The following RGS6 variants were observed in gnomAD, a reference collection of about 807,000 sequenced individuals.
RGS6 encodes the protein regulator of G protein signaling 6, also known as regulator of G-protein signaling 6.
A neutral mutation model predicts 78.5 loss-of-function variants in RGS6; 30 were observed. That is an observed-to-expected ratio of 0.38 (90% CI 0.29 to 0.52). The LOEUF is 0.52. RGS6 is among the 20% of genes least tolerant of loss of function. The probability of loss-of-function intolerance (pLI) is 0.85; values close to 1 mark genes in which losing one functional copy is unlikely to be tolerated. For missense variants in RGS6, 495 were observed against 609.7 expected, an observed-to-expected ratio of 0.81 and a Z score of 1.98; for synonymous variants, 206 against 206.0, an observed-to-expected ratio of 1.00 and a Z score of 0.00.
At chr14:72,033,742 ACTGT>A (rs1206875410) in intron 2 of RGS6, among the ~76,000 whole-genome samples, 5 of 152,320 alleles carry the variant, frequency 3.3e-5, no homozygotes, top group Non-Finnish European at 5.9e-5. Flanking sequence ...TATGTTGAGG[ACTGT>A]CTGTATATCT....
chr14:72,121,534 ACTGTGCTGTG>A (rs2153570778), intron 2 of RGS6, among the ~76,000 whole-genome samples: 1 of 152,268 alleles, frequency 6.6e-6, no homozygotes, highest in Admixed American at 6.5e-5. Context: ...GTGATCACAC[ACTGTGCTGTG>A]CTCTTTGGTA....
chr14:72,617,940 A>G, the RGS6 span, among the ~76,000 whole-genome samples: 1 of 151,926 alleles, frequency 6.6e-6, no homozygotes, highest in Admixed American at 6.6e-5. Flanking sequence ...GAAATATGTC[A>G]GTTATTGTGC....
intron 12 of RGS6, among the ~76,000 whole-genome samples, chr14:72,480,149 ATCT>A (rs1435681505): frequency 1.3e-5 from 2 of 152,164 alleles, no homozygotes; most frequent in Non-Finnish European, 2.9e-5. Context: ...ATTCTGGATA[ATCT>A]TCAAGTGGAC....
the RGS6 span, among the ~76,000 whole-genome samples, chr14:71,872,874 G>A: frequency 6.6e-6 from 1 of 152,140 alleles, no homozygotes; most frequent in Non-Finnish European, 1.5e-5. Flanking sequence ...TCCCACCTAT[G>A]AGTGAGAACA....
At chr14:72,286,938 C>G (rs550152497) in intron 2 of RGS6, among the ~76,000 whole-genome samples, 53 of 152,248 alleles carry the variant, frequency 3.5e-4, no homozygotes, top group Non-Finnish European at 6.3e-4. Context: ...CATGTGCCAC[C>G]ACACTTGCCT....
At chr14:72,290,140 G>T (rs1332859795) in intron 2 of RGS6, among the ~76,000 whole-genome samples, 1 of 152,140 alleles carries the variant, frequency 6.6e-6, no homozygotes, top group African/African-American at 2.4e-5. Flanking sequence ...ATAAAATAAA[G>T]AAATCGAGAT....
intron 2 of RGS6, among the ~76,000 whole-genome samples, chr14:72,046,806 G>A (rs1408651076): frequency 1.3e-5 from 2 of 152,214 alleles, no homozygotes; most frequent in African/African-American, 2.4e-5. Context: ...CAAATGTCAT[G>A]TAGGATATGG....
chr14:72,606,300 G>T, the RGS6 span, among the ~76,000 whole-genome samples: 27 of 152,004 alleles, frequency 1.8e-4, 1 homozygote, highest in Admixed American at 1.2e-3. Context: ...CCCCAAACCC[G>T]CTAAGTCTAG....
At chr14:72,412,631 G>C (rs1212122844) in intron 3 of RGS6, among the ~76,000 whole-genome samples, 1 of 151,980 alleles carries the variant, frequency 6.6e-6, no homozygotes, top group Non-Finnish European at 1.5e-5. Context: ...GTTTGCTCTT[G>C]CTTCTCTAGT....
chr14:72,262,274 T>G (rs1189778690), intron 2 of RGS6, among the ~76,000 whole-genome samples: 1 of 152,222 alleles, frequency 6.6e-6, no homozygotes, highest in Non-Finnish European at 1.5e-5. Flanking sequence ...TACCACAGAC[T>G]GGGTGGCTTA....
intron 1 of RGS6, among the ~76,000 whole-genome samples, chr14:71,943,030 T>C (rs995850600): frequency 2.6e-5 from 4 of 152,112 alleles, no homozygotes; most frequent in African/African-American, 9.7e-5. Context: ...ACCTATTTTC[T>C]TGCACACATG....
At chr14:72,006,462 C>G (rs1440968193) in intron 2 of RGS6, among the ~76,000 whole-genome samples, 6 of 152,202 alleles carry the variant, frequency 3.9e-5, no homozygotes, top group Admixed American at 3.9e-4. Flanking sequence ...TCTTGGCCCA[C>G]TAACCTATGG....
intron 2 of RGS6, among the ~76,000 whole-genome samples, chr14:72,334,377 G>A (rs950923335): frequency 1.3e-5 from 2 of 152,224 alleles, no homozygotes; most frequent in Non-Finnish European, 2.9e-5. Context: ...GGGGAAGCTG[G>A]CAGGGCAGGG....
intron 14 of RGS6, among the ~76,000 whole-genome samples, chr14:72,516,498 C>A (rs1375173501): frequency 1.3e-5 from 2 of 152,190 alleles, no homozygotes; most frequent in African/African-American, 4.8e-5. Context: ...GACCTGAGCA[C>A]CCAGGACTTG....
At chr14:72,213,559 C>T (rs919961033) in intron 2 of RGS6, among the ~76,000 whole-genome samples, 1 of 152,188 alleles carries the variant, frequency 6.6e-6, no homozygotes, top group Non-Finnish European at 1.5e-5. Flanking sequence ...AACTTTGACT[C>T]ATTCCTGAAG....
the RGS6 span, among the ~76,000 whole-genome samples, chr14:71,874,763 G>C: frequency 3.3e-5 from 5 of 152,102 alleles, no homozygotes; most frequent in Non-Finnish European, 5.9e-5. Context: ...CATTCAGTAT[G>C]ATATTGGCTG....
At chr14:72,106,421 A>G (rs1404479734) in intron 2 of RGS6, among the ~76,000 whole-genome samples, 5 of 152,182 alleles carry the variant, frequency 3.3e-5, no homozygotes, top group Non-Finnish European at 5.9e-5. Context: ...GAAGCTTCCC[A>G]TGCATGCTTG....
At chr14:72,248,949 T>C (rs746071994) in intron 2 of RGS6, among the ~76,000 whole-genome samples, 3 of 152,212 alleles carry the variant, frequency 2.0e-5, no homozygotes, top group Non-Finnish European at 4.4e-5. Flanking sequence ...TCTCTCCTAA[T>C]AAGGCTTGCA....
intron 2 of RGS6, among the ~76,000 whole-genome samples, chr14:72,244,315 A>G (rs960520245): frequency 1.3e-5 from 2 of 149,952 alleles, no homozygotes; most frequent in African/African-American, 4.9e-5. Flanking sequence ...GCTTTTCTCA[A>G]ATGTCAACCC....
Sources: gnomAD v4.1 joint callset for allele counts (sites outside exome capture counted in the v4.1 genomes callset) on GRCh38, gnomAD v4.1.1 for gene constraint, MANE v1.5 for transcripts, NCBI Gene and HGNC (gene_info 2026-07-23, HGNC 2026-07-21) for gene names.